Variants in FAM241A observed in about 807,000 individuals in gnomAD.
FAM241A encodes the protein family with sequence similarity 241 member A, also known as uncharacterized protein FAM241A.
In FAM241A, 7 loss-of-function variants were observed where a neutral mutation model predicts 12.2. That is an observed-to-expected ratio of 0.58 (90% CI 0.33 to 1.08). The LOEUF (loss-of-function observed/expected upper bound fraction) is 1.08, where lower values mean the gene tolerates loss of function less well. Ranked by LOEUF, FAM241A falls within the 50% of genes least tolerant of loss-of-function variation. The pLI is 0.04. For missense variants in FAM241A, 161 were observed against 169.7 expected, an observed-to-expected ratio of 0.95 and a Z score of 0.29; for synonymous variants, 74 against 68.2, an observed-to-expected ratio of 1.08 and a Z score of -0.42.
At chr4:112,179,346 G>A (rs1264146521) in intron 1 of FAM241A, among the ~76,000 whole-genome samples, 1 of 152,086 alleles carries the variant, frequency 6.6e-6, no homozygotes, top group Non-Finnish European at 1.5e-5. Flanking sequence ...AAGAAAATGT[G>A]GCACATATAC....
In FAM241A at chr4:112,193,543, T is replaced by C. The variant is rs988933915; in HGVS notation, c.*6605T>C. On this transcript the variant is annotated 3_prime_UTR_variant, in exon 2 of 2. Coordinates refer to ENST00000309733, the MANE Select transcript of FAM241A (RefSeq NM_152400.3). Reference sequence around the variant, plus strand: ...TTTTGTATAAGGTGTAAGGAAGGGATCCAGTTTCAGCTTTCTACATATGGC... The same window carrying C: ...TTTTGTATAAGGTGTAAGGAAGGGACCCAGTTTCAGCTTTCTACATATGGC... 7.2e-5 allele frequency: 11 copies of C among 152,220 alleles called. No individual in the cohort carries two copies. Among genetic ancestry groups the C allele is most frequent in the African/African-American group, 2.7e-4 (11 of 41,454 alleles). The allele number at this position is 152,220 out of a possible 1,614,324, so 9.4% of individuals were successfully genotyped here.
chr4:112,149,563 A>G (rs892728016), intron 1 of FAM241A, among the ~76,000 whole-genome samples: 2 of 152,218 alleles, frequency 1.3e-5, no homozygotes, highest in Non-Finnish European at 2.9e-5. Flanking sequence ...GAACTAGGTC[A>G]ATGAGTCAAA....
chr4:112,163,075 A>G (rs1008270911), intron 1 of FAM241A, among the ~76,000 whole-genome samples: 1 of 152,368 alleles, frequency 6.6e-6, no homozygotes, highest in South Asian at 2.1e-4. Flanking sequence ...TTCCTATTGA[A>G]TAAATGGTGC....
intron 1 of FAM241A, chr4:112,171,243 A>G: frequency 1.4e-6 from 1 of 738,760 alleles, no homozygotes; most frequent in South Asian, 1.3e-5. Flanking sequence ...AACCCACTGG[A>G]CTTTCTGTAC....
intron 1 of FAM241A, among the ~76,000 whole-genome samples, chr4:112,177,225 A>G (rs898951175): frequency 6.6e-6 from 1 of 152,170 alleles, no homozygotes; most frequent in Non-Finnish European, 1.5e-5. Context: ...ACTGTGAGAA[A>G]AGATGTAAAG....
intron 1 of FAM241A, among the ~76,000 whole-genome samples, chr4:112,186,079 G>A (rs1444881613): frequency 6.6e-6 from 1 of 151,784 alleles, no homozygotes; most frequent in Non-Finnish European, 1.5e-5. Context: ...AATACTTTAG[G>A]TATGTATAAT....
rs1724229931 is a variant in FAM241A at position 112,194,540 on chromosome 4, T to A, written c.*7602T>A. 1 of 152,066 alleles carries A rather than the reference T, an allele frequency of 6.6e-6. No homozygotes were observed. Among genetic ancestry groups the A allele is most frequent in the Non-Finnish European group, 1.5e-5 (1 of 68,030 alleles). 9.4% of individuals were successfully genotyped at this position (152,066 alleles called of 1,614,324 possible). ...TACGTCCCATCAATACCTGATTTATTGAGAGTTTTTAGCATGAAGCGTTGT... is the reference window on the plus strand; with the variant it reads ...TACGTCCCATCAATACCTGATTTATAGAGAGTTTTTAGCATGAAGCGTTGT... On this transcript the variant is annotated 3_prime_UTR_variant, in exon 2 of 2. Coordinates refer to ENST00000309733, the MANE Select transcript of FAM241A (RefSeq NM_152400.3).
At chr4:112,146,948 C>T (rs1723150455) in intron 1 of FAM241A, among the ~76,000 whole-genome samples, 1 of 152,152 alleles carries the variant, frequency 6.6e-6, no homozygotes, top group Admixed American at 6.5e-5. Flanking sequence ...TATTCATTTG[C>T]TCAAGGGCTT....
chr4:112,187,000 T>C lies in FAM241A; in HGVS notation c.*62T>C. 6.5e-7 allele frequency: 1 copy of C among 1,539,750 alleles called. No homozygotes were observed. The highest frequency in any genetic ancestry group is 8.7e-7 in the Non-Finnish European group (1 of 1,144,180). On this transcript the variant is annotated 3_prime_UTR_variant, in exon 2 of 2. Transcript: ENST00000309733. Reference sequence around the variant, plus strand: ...CATATATGTAATTGAAGAAGTTATATATTTCACTTTTTGACAACCGAAAAA... The same window carrying C: ...CATATATGTAATTGAAGAAGTTATACATTTCACTTTTTGACAACCGAAAAA...
chr4:112,166,034 T>TA (rs1011367588), intron 1 of FAM241A, among the ~76,000 whole-genome samples: 5 of 151,356 alleles, frequency 3.3e-5, no homozygotes, highest in Admixed American at 1.3e-4. Context: ...AGACACCTAC[T>TA]ATGTACTCAG....
Position 112,194,034 on chromosome 4 carries a change from T to G in FAM241A, c.*7096T>G, listed in dbSNP as rs1259546713. The G allele has an allele frequency of 1.4e-5, 2 of 145,730 alleles. No homozygotes were observed. The highest frequency in any genetic ancestry group is 3.0e-5 in the Non-Finnish European group (2 of 67,014). The allele number at this position is 145,730 out of a possible 1,614,324, so 9.0% of individuals were successfully genotyped here. ...CCTCTTTTATTTCATTGAGCAGTGGTTTGTAGTTCTCCTTGAAGAGGTCCT... is the reference window on the plus strand; with the variant it reads ...CCTCTTTTATTTCATTGAGCAGTGGGTTGTAGTTCTCCTTGAAGAGGTCCT... On this transcript the variant is annotated 3_prime_UTR_variant, in exon 2 of 2. Transcript: ENST00000309733.
chr4:112,161,071 G>T (rs1723454185), intron 1 of FAM241A, among the ~76,000 whole-genome samples: 1 of 152,088 alleles, frequency 6.6e-6, no homozygotes, highest in African/African-American at 2.4e-5. Context: ...CTCACATGAA[G>T]TTAAAAAGCT....
chr4:112,188,590 G>C lies in FAM241A; in HGVS notation c.*1652G>C, dbSNP rs1353835484. ...TAGCCTTTATGAACTCAGTATAAGT[G>C]CAAGTTGTTTGAAAAGGTGTTTTTA... On this transcript the variant is annotated 3_prime_UTR_variant, in exon 2 of 2. Transcript: ENST00000309733. 2 of 152,050 alleles carry C rather than the reference G, an allele frequency of 1.3e-5. No homozygotes were observed. Among genetic ancestry groups the C allele is most frequent in the African/African-American group, 2.4e-5 (1 of 41,392 alleles). The allele number at this position is 152,050 out of a possible 1,614,324, so 9.4% of individuals were successfully genotyped here.
At chr4:112,164,848 C>T (rs932349528) in intron 1 of FAM241A, among the ~76,000 whole-genome samples, 20 of 152,186 alleles carry the variant, frequency 1.3e-4, no homozygotes, top group African/African-American at 4.6e-4. Context: ...CCGTGGCTCA[C>T]GCCTATAATC....
chr4:112,171,587 C>T (rs1478961745), intron 1 of FAM241A: 14 of 639,898 alleles, frequency 2.2e-5, no homozygotes, highest in African/African-American at 3.6e-5. Context: ...TGGCCGGGTG[C>T]GGTGGCTCAC....
chr4:112,191,862 G>C lies in FAM241A; in HGVS notation c.*4924G>C, dbSNP rs946593045. The C allele has an allele frequency of 2.0e-5, 3 of 152,128 alleles. No individual in the cohort carries two copies. Among genetic ancestry groups the C allele is most frequent in the Non-Finnish European group, 4.4e-5 (3 of 68,038 alleles). 9.4% of individuals were successfully genotyped at this position (152,128 alleles called of 1,614,324 possible). A position where few individuals can be genotyped will look rare whatever the true frequency, so the allele number is the denominator to read the frequency against. On this transcript the variant is annotated 3_prime_UTR_variant, in exon 2 of 2. Transcript: ENST00000309733. ...GATTAATTATTAAATTAATCAATAG[G>C]CTTCACAAGGGAAGAGAACATGTCT...
intron 1 of FAM241A, among the ~76,000 whole-genome samples, chr4:112,166,436 T>TA (rs1215925037): frequency 1.3e-5 from 2 of 152,162 alleles, no homozygotes; most frequent in African/African-American, 4.8e-5. Flanking sequence ...TCCCTTTAAA[T>TA]ATGTGGTTCA....
At chr4:112,153,463 G>C (rs1723283374) in intron 1 of FAM241A, among the ~76,000 whole-genome samples, 1 of 152,124 alleles carries the variant, frequency 6.6e-6, no homozygotes, top group Non-Finnish European at 1.5e-5. Flanking sequence ...TTATCTTCCA[G>C]TAACAGCCAC....
In FAM241A at chr4:112,187,181, G is replaced by C. The variant is rs2110436857; in HGVS notation, c.*243G>C. 1 of 467,658 alleles carries C rather than the reference G, an allele frequency of 2.1e-6. No homozygotes were observed. Among genetic ancestry groups the C allele is most frequent in the Non-Finnish European group, 3.8e-6 (1 of 263,688 alleles). The allele number at this position is 467,658 out of a possible 1,614,324, so 29.0% of individuals were successfully genotyped here. ...CTCTTGTTTCACTACTGTGATCTCT[G>C]TCTCCTTTATACACCTCTATCCCCA... is the stretch of plus-strand genomic sequence containing the variant. On this transcript the variant is annotated 3_prime_UTR_variant, in exon 2 of 2. Transcript: ENST00000309733.
Sources: allele counts gnomAD v4.1 joint callset (sites outside exome capture counted in the v4.1 genomes callset), GRCh38; gene constraint gnomAD v4.1.1; transcripts MANE v1.5; gene names NCBI Gene and HGNC (gene_info 2026-07-23, HGNC 2026-07-21).